TIAM2: variants seen among roughly 807,000 people sequenced by gnomAD.
The protein encoded by TIAM2 is TIAM Rac1 associated GEF 2.
TIAM2 carries 80 observed loss-of-function variants against 152.9 expected under a neutral mutation model. The ratio of observed to expected loss-of-function variants is 0.52; its 90% CI spans 0.44 to 0.63. TIAM2 has a LOEUF of 0.63. TIAM2 is among the 30% of genes least tolerant of loss of function. The pLI, the probability that TIAM2 is intolerant of heterozygous loss-of-function variation, is 0.00. For synonymous variants in TIAM2, 804 were observed against 838.0 expected, an observed-to-expected ratio of 0.96 and a Z score of 0.70; for missense variants, 1,965 against 2,120.1, an observed-to-expected ratio of 0.93 and a Z score of 1.44.
intron 7 of TIAM2, among the ~76,000 whole-genome samples, chr6:155,152,388 G>A (rs946247141): frequency 2.6e-5 from 4 of 152,170 alleles, no homozygotes; most frequent in South Asian, 2.1e-4. Context: ...CCCCTCTTAA[G>A]GGGCCTCACC....
intron 1 of TIAM2, among the ~76,000 whole-genome samples, chr6:155,023,601 T>TTA (rs2114869169): frequency 6.6e-6 from 1 of 152,032 alleles, no homozygotes; most frequent in African/African-American, 2.4e-5. Flanking sequence ...CAATGATGAG[T>TTA]TATTTGCAGT....
intron 2 of TIAM2, among the ~76,000 whole-genome samples, chr6:155,115,250 C>T (rs772283641): frequency 3.3e-5 from 5 of 151,054 alleles, no homozygotes; most frequent in Non-Finnish European, 7.4e-5. Flanking sequence ...TTTAAAGAGA[C>T]AACATCTTAC....
chr6:155,211,142 C>T (rs944126544), intron 14 of TIAM2, 62 bp from the exon 15 acceptor site: 20 of 1,445,464 alleles, frequency 1.4e-5, no homozygotes, highest in African/African-American at 7.1e-5. Flanking sequence ...GCCTTTAAAC[C>T]GGGTGTTATT....
chr6:155,248,847 T>C (rs901969332), intron 20 of TIAM2, among the ~76,000 whole-genome samples: 2 of 152,216 alleles, frequency 1.3e-5, no homozygotes, highest in South Asian at 2.1e-4. Flanking sequence ...AATTAAACCA[T>C]AGGTGATAAA....
At chr6:155,112,108 T>C (rs886651156) in intron 2 of TIAM2, among the ~76,000 whole-genome samples, 3 of 151,548 alleles carry the variant, frequency 2.0e-5, no homozygotes, top group African/African-American at 7.3e-5. Context: ...AGGTGCCACA[T>C]ACTCTCTTGG....
At chr6:155,047,722 A>AG (rs1777226113) in intron 1 of TIAM2, among the ~76,000 whole-genome samples, 1 of 128,648 alleles carries the variant, frequency 7.8e-6, no homozygotes, top group African/African-American at 3.0e-5. Flanking sequence ...AGAGAGAGAG[A>AG]GAGCGAGAGA....
intron 1 of TIAM2, among the ~76,000 whole-genome samples, chr6:155,054,303 G>C (rs1777390189): frequency 6.6e-6 from 1 of 152,152 alleles, no homozygotes; most frequent in Non-Finnish European, 1.5e-5. Context: ...CACCTTACAG[G>C]TGACAGCCAT....
rs11327910 is a variant in TIAM2 at position 155,115,170 on chromosome 6, TAA to T, written c.-117-12305_-117-12304del. Among the ~76,000 whole-genome samples, 799 of 132,600 alleles carry T rather than the reference TAA, an allele frequency of 6.0e-3. 6 individuals carry two copies. The highest frequency in any genetic ancestry group is 7.9e-3 in the Middle Eastern group (2 of 254). The allele number at this position is 132,600 out of a possible 152,430, so 87.0% of individuals were successfully genotyped here. A position where few individuals can be genotyped will look rare whatever the true frequency, so the allele number is the denominator to read the frequency against. On this transcript the variant is annotated intron_variant, in intron 2 of 26. Transcript: ENST00000682666. The stretch of plus-strand genomic sequence containing the variant: ...GGGAATCCTGAAAGTTAAATTGTAC[TAA>T]AAAAAAAAAAAAAAGGAATAATTTC...
chr6:155,048,441 A>G (rs1203447339), intron 1 of TIAM2, among the ~76,000 whole-genome samples: 1 of 152,154 alleles, frequency 6.6e-6, no homozygotes, highest in Non-Finnish European at 1.5e-5. Flanking sequence ...TGTCCTTTGT[A>G]ACAAGATATT....
intron 1 of TIAM2, among the ~76,000 whole-genome samples, chr6:155,073,889 T>A: frequency 6.6e-6 from 1 of 152,156 alleles, no homozygotes. Context: ...AGATGAAAGA[T>A]CTTTCAGACA....
At chr6:155,099,272 C>G (rs1778499311) in intron 2 of TIAM2, among the ~76,000 whole-genome samples, 1 of 150,666 alleles carries the variant, frequency 6.6e-6, no homozygotes, top group Non-Finnish European at 1.5e-5. Context: ...AATAAAATAT[C>G]TCATTTCCAA....
At chr6:155,203,048 CAA>C (rs59836931) in intron 14 of TIAM2, among the ~76,000 whole-genome samples, 925 of 78,720 alleles carry the variant, frequency 0.012, 12 homozygotes, top group Admixed American at 0.036. Flanking sequence ...AACTCTGTCT[CAA>C]AAAAAAAAAA....
In TIAM2 at chr6:155,155,636, G is replaced by A. The variant is rs565890649; in HGVS notation, c.2028+7302G>A. Among the ~76,000 whole-genome samples the A allele has an allele frequency of 4.2e-3, 645 of 152,102 alleles. 7 individuals are homozygous for A. The highest frequency in any genetic ancestry group is 0.014 in the African/African-American group (596 of 41,490). On this transcript the variant is annotated intron_variant, in intron 7 of 26. Coordinates refer to ENST00000682666, the MANE Select transcript of TIAM2 (RefSeq NM_012454.4). ...ATTACAGGCGTACGCCACCACACCC[G>A]GCAAATTTTTGTATTTTTTGTAGAG...
intron 4 of TIAM2, 102 bp downstream of exon 4, chr6:155,130,519 A>G: frequency 9.1e-7 from 1 of 1,102,380 alleles, no homozygotes; most frequent in East Asian, 2.6e-5. Context: ...GGGGTGCTTA[A>G]GTGATCTGGC....
At chr6:155,060,662 G>A (rs189302301) in intron 1 of TIAM2, among the ~76,000 whole-genome samples, 3 of 152,148 alleles carry the variant, frequency 2.0e-5, no homozygotes, top group Admixed American at 6.5e-5. Flanking sequence ...TTGGGAGGCC[G>A]AGGTGGGTGG....
At chr6:155,132,038 G>T (rs1380533774) in intron 4 of TIAM2, among the ~76,000 whole-genome samples, 1 of 151,480 alleles carries the variant, frequency 6.6e-6, no homozygotes, top group Non-Finnish European at 1.5e-5. Context: ...GTTTTACTGG[G>T]GGAGCAAAGT....
At chr6:155,091,019 C>T (rs1043434432) in intron 2 of TIAM2, among the ~76,000 whole-genome samples, 1 of 152,168 alleles carries the variant, frequency 6.6e-6, no homozygotes, top group Non-Finnish European at 1.5e-5. Flanking sequence ...TTTGCCGTGT[C>T]TGGAGTTCGT....
At position 155,186,241 on chromosome 6, in the gene TIAM2, G is replaced by T. The variant is rs992494692; in HGVS notation, c.3064+2741G>T. On this transcript the variant is annotated intron_variant, in intron 14 of 26. Coordinates refer to ENST00000682666, the MANE Select transcript of TIAM2 (RefSeq NM_012454.4). The surrounding 1 kb of genome is among the most constrained non-coding windows in gnomAD (Gnocchi z 4.5). ...TCAGGTCCTGGGCTGCCCTATACTG[G>T]TTTTTTGACTCACCCAGGGAGTTCT... is the stretch of plus-strand genomic sequence containing the variant. 2.0e-5 allele frequency among the ~76,000 whole-genome samples: 3 copies of T among 152,174 alleles called. No individual in the cohort carries two copies. Among genetic ancestry groups the T allele is most frequent in the African/African-American group, 7.2e-5 (3 of 41,436 alleles).
chr6:155,163,599 A>T (rs988249), intron 7 of TIAM2, among the ~76,000 whole-genome samples: 90,395 of 152,024 alleles, frequency 0.59, 27,636 homozygotes, highest in Admixed American at 0.73. Context: ...TTAGGAGTAT[A>T]CTCAGTAAAA....
Sources: gnomAD v4.1 joint callset for allele counts (sites outside exome capture counted in the v4.1 genomes callset) on GRCh38, gnomAD v4.1.1 for gene constraint, Gnocchi (gnomAD v3.1) non-coding constraint, MANE v1.5 for transcripts, NCBI Gene and HGNC (gene_info 2026-07-23, HGNC 2026-07-21) for gene names.